The following GALNT13 variants were observed in gnomAD, a reference collection of about 807,000 sequenced individuals.
GALNT13 encodes the protein polypeptide N-acetylgalactosaminyltransferase 13.
A neutral mutation model predicts 64.2 loss-of-function variants in GALNT13; 28 were observed. The observed-to-expected ratio is 0.44, with a 90% CI of 0.32 to 0.60. The LOEUF is 0.60. Ranked by LOEUF, GALNT13 falls within the 20% of genes least tolerant of loss-of-function variation. GALNT13 has a pLI of 0.05. For synonymous variants in GALNT13, 214 were observed against 224.6 expected (o/e 0.95, Z 0.42); for missense variants, 577 against 669.8 (o/e 0.86, Z 1.53).
At chr2:154,099,086 C>T (rs11891450) in intron 3 of GALNT13, among the ~76,000 whole-genome samples, 54,882 of 151,660 alleles carry the variant, frequency 0.36, 10,296 homozygotes, top group Non-Finnish European at 0.41. Context: ...ACATCTGTTG[C>T]TTTTTGACTT....
chr2:153,211,268 A>G, the GALNT13 span, among the ~76,000 whole-genome samples: 3 of 151,538 alleles, frequency 2.0e-5, no homozygotes, highest in Non-Finnish European at 4.4e-5. Context: ...TCAGCCTCCC[A>G]AGCAGCTGAG....
At chr2:153,599,299 A>G in the GALNT13 span, among the ~76,000 whole-genome samples, 1 of 152,046 alleles carries the variant, frequency 6.6e-6, no homozygotes, top group Non-Finnish European at 1.5e-5. Context: ...TGTTAGCTAT[A>G]GTTACCCTAC....
the GALNT13 span, among the ~76,000 whole-genome samples, chr2:153,630,174 T>C: frequency 6.6e-6 from 1 of 151,984 alleles, no homozygotes; most frequent in Non-Finnish European, 1.5e-5. Context: ...TTATAAGTCA[T>C]GCTGCTATAA....
the GALNT13 span, among the ~76,000 whole-genome samples, chr2:153,453,924 T>C: frequency 6.6e-6 from 1 of 152,184 alleles, no homozygotes; most frequent in African/African-American, 2.4e-5. Flanking sequence ...CACCATAGAA[T>C]ACTATGCATC....
At chr2:153,731,447 AC>A in the GALNT13 span, among the ~76,000 whole-genome samples, 1 of 151,910 alleles carries the variant, frequency 6.6e-6, no homozygotes, top group Admixed American at 6.6e-5. Context: ...TTACCACTGC[AC>A]GATATGTCTT....
the GALNT13 span, among the ~76,000 whole-genome samples, chr2:153,197,308 C>T: frequency 6.6e-6 from 1 of 152,244 alleles, no homozygotes; most frequent in Non-Finnish European, 1.5e-5. Context: ...TGCTTGGGCA[C>T]TAGCACGGGT....
At chr2:153,665,100 A>G in the GALNT13 span, among the ~76,000 whole-genome samples, 1 of 152,188 alleles carries the variant, frequency 6.6e-6, no homozygotes, top group African/African-American at 2.4e-5. Context: ...AAGAAGTTTT[A>G]CTCTACTAGC....
chr2:153,879,354 C>G (rs941636780), intron 1 of GALNT13, among the ~76,000 whole-genome samples: 1 of 93,368 alleles, frequency 1.1e-5, no homozygotes, highest in Non-Finnish European at 2.2e-5. Context: ...TTAAAACTAC[C>G]TACGTGTGTG....
chr2:153,449,504 C>T, the GALNT13 span, among the ~76,000 whole-genome samples: 1 of 152,196 alleles, frequency 6.6e-6, no homozygotes, highest in Non-Finnish European at 1.5e-5. Flanking sequence ...CCCTCCTGCC[C>T]TAGAGATGGT....
At chr2:153,524,490 A>AAG in the GALNT13 span, among the ~76,000 whole-genome samples, 6 of 152,246 alleles carry the variant, frequency 3.9e-5, no homozygotes, top group South Asian at 1.2e-3. Context: ...CATATCACTG[A>AAG]AAGAGACACT....
the GALNT13 span, among the ~76,000 whole-genome samples, chr2:153,838,775 T>G: frequency 6.6e-6 from 1 of 151,932 alleles, no homozygotes; most frequent in East Asian, 1.9e-4. Context: ...GGAACTCTTG[T>G]GCTTCCACAC....
At chr2:153,194,714 G>C in the GALNT13 span, among the ~76,000 whole-genome samples, 3 of 152,090 alleles carry the variant, frequency 2.0e-5, no homozygotes, top group African/African-American at 7.2e-5. Flanking sequence ...TTCTAATTTT[G>C]TGAATTGGTT....
intron 4 of GALNT13, among the ~76,000 whole-genome samples, chr2:154,219,703 T>C (rs548620134): frequency 6.6e-6 from 1 of 152,250 alleles, no homozygotes; most frequent in East Asian, 1.9e-4. Context: ...TTTTTGGGAA[T>C]GGAACTATTA....
At chr2:153,651,192 T>C in the GALNT13 span, among the ~76,000 whole-genome samples, 92 of 152,280 alleles carry the variant, frequency 6.0e-4, no homozygotes, top group Non-Finnish European at 1.1e-3. Context: ...GGAGAGGTTG[T>C]GCAAGAAGCA....
chr2:153,986,793 C>T (rs189035697), intron 3 of GALNT13, among the ~76,000 whole-genome samples: 16 of 151,994 alleles, frequency 1.1e-4, no homozygotes, highest in African/African-American at 3.9e-4. Context: ...TAAGAGAGAA[C>T]TATGAAAAGC....
chr2:153,439,796 G>T, the GALNT13 span, among the ~76,000 whole-genome samples: 1 of 152,052 alleles, frequency 6.6e-6, no homozygotes, highest in Non-Finnish European at 1.5e-5. Flanking sequence ...CCCTGCTTCG[G>T]CTCACACATG....
At chr2:153,677,324 C>A in the GALNT13 span, among the ~76,000 whole-genome samples, 32 of 148,044 alleles carry the variant, frequency 2.2e-4, no homozygotes, top group African/African-American at 8.0e-4. Flanking sequence ...CACACACACA[C>A]AATACCTATG....
At chr2:153,836,989 G>A in the GALNT13 span, among the ~76,000 whole-genome samples, 1 of 151,790 alleles carries the variant, frequency 6.6e-6, no homozygotes, top group African/African-American at 2.4e-5. Context: ...TGTCTTTATA[G>A]CAGCATGACT....
the GALNT13 span, among the ~76,000 whole-genome samples, chr2:153,136,672 C>G: frequency 2.0e-5 from 3 of 152,060 alleles, no homozygotes; most frequent in African/African-American, 7.2e-5. Flanking sequence ...ATTTTCATAA[C>G]TAAAACTACC....
Sources: gnomAD v4.1 joint callset for allele counts (sites outside exome capture counted in the v4.1 genomes callset) on GRCh38, gnomAD v4.1.1 for gene constraint, MANE v1.5 for transcripts, NCBI Gene and HGNC (gene_info 2026-07-23, HGNC 2026-07-21) for gene names.